The following CCR5AS variants were observed in gnomAD, a reference collection of about 807,000 sequenced individuals.
CCR5AS encodes the protein CCR5 antisense RNA.
In CCR5AS at chr3:46,367,365, T is replaced by TA. The variant is rs10714482; in HGVS notation, n.566-2321dup. Among the ~76,000 whole-genome samples, 411 of 129,618 alleles carry TA rather than the reference T, an allele frequency of 3.2e-3. 2 individuals are homozygous for TA. The highest frequency in any genetic ancestry group is 9.4e-3 in the African/African-American group (313 of 33,150). 85.0% of individuals were successfully genotyped at this position (129,618 alleles called of 152,430 possible). A position where few individuals can be genotyped will look rare whatever the true frequency, so the allele number is the denominator to read the frequency against. On this transcript the variant is annotated intron_variant and non_coding_transcript_variant, in intron 3 of 3. Coordinates refer to ENST00000451485, the Ensembl canonical transcript of CCR5AS. Reference sequence around the variant, plus strand: ...AAATGTCTACACTATAATCTTTAGCTAAAAAAAAAAAAAAAAGAAGCCGCC... The same window carrying TA: ...AAATGTCTACACTATAATCTTTAGCTAAAAAAAAAAAAAAAAAGAAGCCGCC...
At chr3:46,371,910 C>G (rs773715669) in intron 2 of CCR5AS, among the ~76,000 whole-genome samples, 1 of 152,134 alleles carries the variant, frequency 6.6e-6, no homozygotes, top group Non-Finnish European at 1.5e-5. Flanking sequence ...GATGGTCTTG[C>G]CTTTTAATTC....
At chr3:46,383,640 A>C (rs909412789) in intron 2 of CCR5AS, among the ~76,000 whole-genome samples, 3 of 152,138 alleles carry the variant, frequency 2.0e-5, no homozygotes, top group Non-Finnish European at 2.9e-5. Context: ...GGCCAGGGGT[A>C]AGAGAGGGAT....
At chr3:46,370,504 TTTAA>T (rs1334981570) in intron 3 of CCR5AS, among the ~76,000 whole-genome samples, 3 of 152,204 alleles carry the variant, frequency 2.0e-5, no homozygotes, top group Non-Finnish European at 4.4e-5. Flanking sequence ...TTAAGTTGGC[TTTAA>T]TTAATAGCAA....
chr3:46,389,098 T>C (rs78491445), intron 2 of CCR5AS, among the ~76,000 whole-genome samples: 10,370 of 149,688 alleles, frequency 0.069, 537 homozygotes, highest in South Asian at 0.2. Context: ...GTCCAAATAG[T>C]GGGGGTGACT....
chr3:46,378,950 T>C (rs1701787482), intron 2 of CCR5AS, among the ~76,000 whole-genome samples: 1 of 152,056 alleles, frequency 6.6e-6, no homozygotes, highest in Non-Finnish European at 1.5e-5. Flanking sequence ...CTGATGATTG[T>C]GGGTACCAAG....
chr3:46,371,937 G>A (rs766797319), intron 2 of CCR5AS, among the ~76,000 whole-genome samples: 1 of 152,164 alleles, frequency 6.6e-6, no homozygotes, highest in Non-Finnish European at 1.5e-5. Flanking sequence ...CGAGGACTGA[G>A]AGGGAGGGTA....
chr3:46,400,543 G>T (rs768161286), intron 1 of CCR5AS, among the ~76,000 whole-genome samples: 1 of 152,204 alleles, frequency 6.6e-6, no homozygotes, highest in Admixed American at 6.5e-5. Context: ...AGTAAAAGTT[G>T]TCATCAGAAA....
At chr3:46,391,403 T>C (rs1379774032) in intron 2 of CCR5AS, among the ~76,000 whole-genome samples, 1 of 152,198 alleles carries the variant, frequency 6.6e-6, no homozygotes, top group Non-Finnish European at 1.5e-5. Context: ...GTTGTGGGGT[T>C]TGAGGGCTGG....
chr3:46,380,551 A>C (rs1230671650), intron 2 of CCR5AS, among the ~76,000 whole-genome samples: 1 of 152,212 alleles, frequency 6.6e-6, no homozygotes, highest in Non-Finnish European at 1.5e-5. Flanking sequence ...AATGAAGAGC[A>C]TTGCCTGCCC....
intron 1 of CCR5AS, among the ~76,000 whole-genome samples, chr3:46,406,242 A>C (rs1401276126): frequency 6.6e-6 from 1 of 152,108 alleles, no homozygotes; most frequent in African/African-American, 2.4e-5. Flanking sequence ...CCTCAGACAC[A>C]TCTTTGGTGG....
intron 3 of CCR5AS, among the ~76,000 whole-genome samples, chr3:46,365,273 A>G (rs1031128204): frequency 6.6e-6 from 1 of 152,178 alleles, no homozygotes; most frequent in Non-Finnish European, 1.5e-5. Flanking sequence ...AGCCACCCCC[A>G]GCTTTAGCAA....
chr3:46,382,408 C>T (rs1057080715), intron 2 of CCR5AS, among the ~76,000 whole-genome samples: 3 of 152,214 alleles, frequency 2.0e-5, no homozygotes, highest in Non-Finnish European at 4.4e-5. Flanking sequence ...GAGATCCACT[C>T]GGAACCCCCT....
intron 2 of CCR5AS, chr3:46,373,918 A>G (rs1800945): frequency 6.3e-7 from 1 of 1,594,584 alleles, no homozygotes; most frequent in South Asian, 1.1e-5. Context: ...AGCTCAGTTT[A>G]CACCCGATCC....
intron 2 of CCR5AS, among the ~76,000 whole-genome samples, chr3:46,390,914 G>T (rs1385487007): frequency 1.3e-5 from 2 of 152,172 alleles, no homozygotes; most frequent in African/African-American, 4.8e-5. Context: ...ATGTGGAGTG[G>T]GTAGCCTCCG....
intron 1 of CCR5AS, among the ~76,000 whole-genome samples, chr3:46,402,804 A>T (rs766943331): frequency 1.3e-5 from 2 of 152,154 alleles, no homozygotes; most frequent in African/African-American, 2.4e-5. Flanking sequence ...ACCTTTTGTC[A>T]TGAGGGTTTG....
At chr3:46,369,687 T>C (rs1342705084) in intron 3 of CCR5AS, among the ~76,000 whole-genome samples, 1 of 152,160 alleles carries the variant, frequency 6.6e-6, no homozygotes, top group Non-Finnish European at 1.5e-5. Flanking sequence ...ACTGAGTGCA[T>C]AGTATGTGCT....
intron 1 of CCR5AS, among the ~76,000 whole-genome samples, chr3:46,393,970 G>A (rs1031691431): frequency 1.3e-5 from 2 of 152,150 alleles, no homozygotes; most frequent in Admixed American, 1.3e-4. Flanking sequence ...ATCCAGCCCC[G>A]TGATTTTTCA....
chr3:46,366,441 C>T (rs189062732), intron 3 of CCR5AS, among the ~76,000 whole-genome samples: 12 of 152,190 alleles, frequency 7.9e-5, no homozygotes, highest in Middle Eastern at 3.2e-3. Context: ...ACTAGCCTCA[C>T]GCCTAGACAC....
chr3:46,378,731 T>C (rs1454057686), intron 2 of CCR5AS, among the ~76,000 whole-genome samples: 1 of 152,206 alleles, frequency 6.6e-6, no homozygotes, highest in African/African-American at 2.4e-5. Context: ...CTCACATTCA[T>C]CATTTCTGAA....
Sources: gnomAD v4.1 joint callset for allele counts (sites outside exome capture counted in the v4.1 genomes callset) on GRCh38, gnomAD v4.1.1 for gene constraint, MANE v1.5 for transcripts, NCBI Gene and HGNC (gene_info 2026-07-23, HGNC 2026-07-21) for gene names.